RGS12: variants seen among roughly 807,000 people sequenced by gnomAD.
The protein encoded by RGS12 is regulator of G protein signaling 12, also known as regulator of G-protein signaling 12.
In RGS12, 66 loss-of-function variants were observed where a neutral mutation model predicts 120.1. That is an observed-to-expected ratio of 0.55 (90% confidence interval 0.45 to 0.67). RGS12 has a LOEUF of 0.67. RGS12 is among the 30% of genes least tolerant of loss of function. RGS12 has a pLI of 0.00. For missense variants in RGS12, 1,859 were observed against 1,957.7 expected, an observed-to-expected ratio of 0.95 and a Z score of 0.95; for synonymous variants, 827 against 804.7, an observed-to-expected ratio of 1.03 and a Z score of -0.47.
chr4:3,351,464 A>G (rs932477624), intron 3 of RGS12, among the ~76,000 whole-genome samples: 5 of 152,146 alleles, frequency 3.3e-5, no homozygotes, highest in Non-Finnish European at 5.9e-5. Flanking sequence ...ATTGTTAGAC[A>G]AACCTAAATT....
chr4:3,358,603 A>G (rs1715117354), intron 3 of RGS12, among the ~76,000 whole-genome samples: 3 of 151,732 alleles, frequency 2.0e-5, no homozygotes, highest in Admixed American at 2.0e-4. Flanking sequence ...TTTCCCTCTT[A>G]ATTTTGTTAA....
Position 3,316,291 on chromosome 4 carries a change from C to T in RGS12, c.121C>T (p.Pro41Ser). 1.2e-6 allele frequency: 2 copies of T among 1,614,066 alleles called. No individual in the cohort carries two copies. The highest frequency in any genetic ancestry group is 1.7e-6 in the Non-Finnish European group (2 of 1,179,988). Residue 41 changes from proline to serine, a missense_variant, in exon 2 of 18, where the codon CCC (proline) becomes TCC (serine). Pro to Ser is a moderately conservative substitution (Grantham distance 74, BLOSUM62 -1). This residue lies in a region of RGS12 where 967 missense variants were observed against 994.2 expected (regional missense o/e 0.97). Coordinates refer to ENST00000336727, the MANE Select transcript of RGS12 (RefSeq NM_001394154.1). ...GYGFTLSGQA[P>S]CVLSCVMRGS... ...CGGATTCACGCTTTCGGGACAGGCA[C>T]CCTGTGTGCTCAGCTGCGTCATGAG... is the stretch of plus-strand genomic sequence containing the variant.
chr4:3,294,793 G>A (rs1723272161), intron 1 of RGS12, among the ~76,000 whole-genome samples: 1 of 152,252 alleles, frequency 6.6e-6, no homozygotes, highest in Non-Finnish European at 1.5e-5. Flanking sequence ...TGATGCGGAT[G>A]CCTCTGTGAC....
At chr4:3,344,325 C>T (rs1367993618) in intron 3 of RGS12, among the ~76,000 whole-genome samples, 2 of 152,172 alleles carry the variant, frequency 1.3e-5, no homozygotes, top group African/African-American at 4.8e-5. Flanking sequence ...GAATCGGCTG[C>T]AATGGGGTGC....
Position 3,316,938 on chromosome 4 carries a change from C to T in RGS12, c.768C>T (p.Arg256=), listed in dbSNP as rs375234799. 18 of 1,613,826 alleles carry T rather than the reference C, an allele frequency of 1.1e-5. No homozygotes were observed. Among genetic ancestry groups the T allele is most frequent in the African/African-American group, 4.0e-5 (3 of 74,950 alleles). ...NLESDSLQAI[R]GCMRRLRAEQ... ...AGTCCGACAGCTTGCAAGCCATCCG[C>T]GGCTGCATGCGGCGCCTGCGGGCAG... is the stretch of plus-strand genomic sequence containing the variant. The change falls in exon 2 of 18, where the codon CGC becomes CGT. Residue 256 remains arginine (R), a synonymous_variant. Transcript: ENST00000336727.
intron 1 of RGS12, among the ~76,000 whole-genome samples, chr4:3,315,773 C>G (rs1361546223): frequency 6.6e-6 from 1 of 152,214 alleles, no homozygotes; most frequent in Non-Finnish European, 1.5e-5. Flanking sequence ...GCAAGGGGCT[C>G]TTTCCATCCA....
At chr4:3,405,537 A>T (rs35726764) in intron 4 of RGS12, among the ~76,000 whole-genome samples, 22,164 of 152,190 alleles carry the variant, frequency 0.15, 2,270 homozygotes, top group Non-Finnish European at 0.21. Flanking sequence ...CCTGAGTTCC[A>T]CCCTGCTCTG....
chr4:3,367,064 C>A (rs1716385184), intron 3 of RGS12, among the ~76,000 whole-genome samples: 1 of 152,228 alleles, frequency 6.6e-6, no homozygotes, highest in Non-Finnish European at 1.5e-5. Flanking sequence ...CTAGCCCTGC[C>A]CCCCTGCTCA....
upstream of RGS12, among the ~76,000 whole-genome samples, chr4:3,291,582 G>A (rs1484371012): frequency 1.3e-5 from 2 of 152,114 alleles, no homozygotes; most frequent in Non-Finnish European, 2.9e-5. Context: ...CCTGAGCTCC[G>A]GCGATCTGTC....
At chr4:3,319,085 C>G (rs1725011670) in intron 2 of RGS12, among the ~76,000 whole-genome samples, 2 of 150,088 alleles carry the variant, frequency 1.3e-5, no homozygotes, top group African/African-American at 2.5e-5. Flanking sequence ...TTGATTCCCC[C>G]TCCCCTAGTG....
intron 17 of RGS12, chr4:3,432,258 TATCACAC>T (rs1724379542): frequency 2.5e-6 from 2 of 796,352 alleles, no homozygotes; most frequent in Non-Finnish European, 3.0e-6. Flanking sequence ...CTAGGGGAAA[TATCACAC>T]ATTTTTAGGA....
At chr4:3,419,546 C>T (rs1722776010) in intron 9 of RGS12, 1 of 151,972 alleles carries the variant, frequency 6.6e-6, no homozygotes, top group Non-Finnish European at 1.5e-5. Context: ...CGCCTGGTGG[C>T]TCATGCCTTT....
intron 17 of RGS12, chr4:3,431,444 G>C (rs1055056576): frequency 1.0e-6 from 1 of 995,950 alleles, no homozygotes; most frequent in African/African-American, 1.7e-5. Context: ...AGCCTTGAGA[G>C]TGCAGCTCGG....
At position 3,317,374 on chromosome 4, in the gene RGS12, G is replaced by C; in HGVS notation, c.1204G>C (p.Ala402Pro). ...GGGTGAGCTGATTGAGGGCATGCGG[G>C]CCCGCGCCTTTCTGGACGGGGACGC... ...DMGELIEGMR[A>P]RAFLDGDADA... Residue 402 changes from alanine to proline, a missense_variant, in exon 2 of 18, where the codon GCC becomes CCC. By Grantham distance (27) the Ala-to-Pro change is conservative. Transcript: ENST00000336727. 1 of 1,614,110 alleles carries C rather than the reference G, an allele frequency of 6.2e-7. No individual in the cohort carries two copies. The highest frequency in any genetic ancestry group is 8.5e-7 in the Non-Finnish European group (1 of 1,180,030).
chr4:3,403,203 C>T (rs991249784), intron 4 of RGS12, among the ~76,000 whole-genome samples: 10 of 152,246 alleles, frequency 6.6e-5, no homozygotes, highest in Admixed American at 1.3e-4. Flanking sequence ...TTGCTGGGCT[C>T]TGCCAGAATA....
At chr4:3,421,456 A>C (rs1282491885) in intron 10 of RGS12, among the ~76,000 whole-genome samples, 1 of 152,206 alleles carries the variant, frequency 6.6e-6, no homozygotes, top group African/African-American at 2.4e-5. Context: ...CCCCAAACTC[A>C]GAGGCTGGAA....
chr4:3,409,572 G>C (rs1173235525), intron 4 of RGS12, among the ~76,000 whole-genome samples: 1 of 152,210 alleles, frequency 6.6e-6, no homozygotes, highest in African/African-American at 2.4e-5. Flanking sequence ...TGAGGGAGGC[G>C]GCAAGGCCTA....
At chr4:3,419,487 A>AAAAT (rs113081686) in intron 9 of RGS12, 124,221 of 149,132 alleles carry the variant, frequency 0.83, 52,068 homozygotes, top group East Asian at 1. Flanking sequence ...AGACTGTCTC[A>AAAAT]AAATAAATAA....
intron 17 of RGS12, 83 bp downstream of exon 17, chr4:3,431,038 C>A (rs945801871): frequency 6.6e-7 from 1 of 1,523,194 alleles, no homozygotes; most frequent in East Asian, 2.4e-5. Flanking sequence ...AGTGGGCCCC[C>A]GGCTGCCACT....
Sources: allele counts gnomAD v4.1 joint callset (sites outside exome capture counted in the v4.1 genomes callset), GRCh38; gene constraint gnomAD v4.1.1; regional missense constraint gnomAD v4.1.1; transcripts MANE v1.5; gene names NCBI Gene and HGNC (gene_info 2026-07-23, HGNC 2026-07-21).